Variants in SPRY2 observed in about 807,000 individuals in gnomAD.
The protein encoded by SPRY2 is sprouty RTK signaling antagonist 2, also known as protein sprouty homolog 2.
A neutral mutation model predicts 23.4 loss-of-function variants in SPRY2; 10 were observed. That is an observed-to-expected ratio of 0.43 (90% CI 0.26 to 0.73). The LOEUF is 0.73. Ranked by LOEUF, SPRY2 falls within the 30% of genes least tolerant of loss-of-function variation. SPRY2 has a pLI of 0.22. For missense variants in SPRY2, 344 were observed against 396.9 expected, an observed-to-expected ratio of 0.87 and a Z score of 1.13; for synonymous variants, 170 against 156.9, an observed-to-expected ratio of 1.08 and a Z score of -0.62.
intron 1 of SPRY2, chr13:80,339,417 A>C (rs1235715818): frequency 8.5e-5 from 13 of 152,104 alleles, no homozygotes; most frequent in Non-Finnish European, 2.9e-5. Context: ...GTGAAAGAAA[A>C]ATGGCTTTTT....
intron 1 of SPRY2, 82 bp from the exon 2 acceptor site, chr13:80,337,838 C>G (rs1880344357): frequency 2.5e-6 from 2 of 797,108 alleles, no homozygotes; most frequent in Non-Finnish European, 4.2e-6. Flanking sequence ...TCCTCACTTC[C>G]CACTTTCCCT....
chr13:80,336,108 T>C lies in SPRY2; in HGVS notation c.*650A>G, dbSNP rs1344399703. On this transcript the variant is annotated 3_prime_UTR_variant, in exon 2 of 2. Transcript: ENST00000377104. The stretch of plus-strand genomic sequence containing the variant: ...AGATGCCTCTTAAAATAAATATTCT[T>C]TTTTATAAAATAATAAAACTTCAAA... The C allele has an allele frequency of 6.6e-6, 1 of 152,264 alleles. No individual in the cohort carries two copies. The highest frequency in any genetic ancestry group is 2.4e-5 in the African/African-American group (1 of 41,458). The allele number at this position is 152,264 out of a possible 1,614,324, so 9.4% of individuals were successfully genotyped here. A position where few individuals can be genotyped will look rare whatever the true frequency, so the allele number is the denominator to read the frequency against.
chr13:80,337,485 G>T lies in SPRY2; in HGVS notation c.221C>A (p.Ser74Tyr). ...GAGTCTCTCGTGTTTGTGCTGAGTG[G>T]AGGGGCGAGGAGCAGGCTTGAGCCC... ...RPGLKPAPRP[S>Y]TQHKHERLHG... Residue 74 changes from serine (S) to tyrosine (Y), a missense_variant, in exon 2 of 2, where the codon TCC becomes TAC. Transcript: ENST00000377104. 6.2e-7 allele frequency: 1 copy of T among 1,614,228 alleles called. No individual in the cohort carries two copies. The highest frequency in any genetic ancestry group is 8.5e-7 in the Non-Finnish European group (1 of 1,180,050).
At position 80,336,852 on chromosome 13, in the gene SPRY2, C is replaced by CGGT; in HGVS notation, c.851_853dup (p.Asp284_Arg285insHis). On this transcript the variant is annotated inframe_insertion, in exon 2 of 2. Transcript: ENST00000377104. ...ACAGCGGCAACCAGGCCTGTTAACC[C>CGGT]GGTCATAACACCCCTGGCACAATTT... 6.2e-7 allele frequency: 1 copy of CGGT among 1,614,092 alleles called. No homozygotes were observed. The highest frequency in any genetic ancestry group is 8.5e-7 in the Non-Finnish European group (1 of 1,180,024).
intron 1 of SPRY2, chr13:80,338,596 A>C (rs1346300522): frequency 6.6e-6 from 1 of 152,230 alleles, no homozygotes; most frequent in Admixed American, 6.5e-5. Context: ...GCGTTTTAAA[A>C]ATTCAAATGT....
chr13:80,336,488 CT>C lies in SPRY2; in HGVS notation c.*269del, dbSNP rs1177715180. 2 of 507,662 alleles carry C rather than the reference CT, an allele frequency of 3.9e-6. No homozygotes were observed. The highest frequency in any genetic ancestry group is 6.9e-5 in the Admixed American group (2 of 28,860). 31.4% of individuals were successfully genotyped at this position (507,662 alleles called of 1,614,324 possible). A position where few individuals can be genotyped will look rare whatever the true frequency, so the allele number is the denominator to read the frequency against. On this transcript the variant is annotated 3_prime_UTR_variant, in exon 2 of 2. Coordinates refer to ENST00000377104, the MANE Select transcript of SPRY2 (RefSeq NM_005842.4). ...TGCAAGTACTATTCACAAACAAAAA[CT>C]TTGCCTAGGAGTGTCTGTGTTGCTT... is the stretch of plus-strand genomic sequence containing the variant.
chr13:80,339,964 G>T (rs910353881), intron 1 of SPRY2, among the ~76,000 whole-genome samples: 1 of 152,234 alleles, frequency 6.6e-6, no homozygotes, highest in African/African-American at 2.4e-5. Context: ...TGACCACGAA[G>T]AACGGAAGAG....
intron 1 of SPRY2, chr13:80,338,827 G>C (rs1465905903): frequency 6.6e-6 from 1 of 152,312 alleles, no homozygotes; most frequent in East Asian, 1.9e-4. Flanking sequence ...GCTGGAAACC[G>C]GATCTCCTCA....
intron 1 of SPRY2, among the ~76,000 whole-genome samples, chr13:80,339,831 T>A (rs930356526): frequency 6.6e-6 from 1 of 152,076 alleles, no homozygotes; most frequent in Non-Finnish European, 1.5e-5. Context: ...CAAAAGGAAA[T>A]AAAAAATTGC....
chr13:80,337,673 C>A lies in SPRY2; in HGVS notation c.33G>T (p.Ser11=), dbSNP rs145173125. The change falls in exon 2 of 2, where the codon TCG becomes TCT. Residue 11 remains serine, a synonymous_variant. Coordinates refer to ENST00000377104, the MANE Select transcript of SPRY2 (RefSeq NM_005842.4). ...CACGGGGCGTCTGCAGCAAGGGCTG[C>A]GACCCGTTGCCACTCTGAGCTCTGG... is the stretch of plus-strand genomic sequence containing the variant. MEARAQSGNG[S]QPLLQTPRDG... is the part of the protein sequence containing the mutation. The A allele has an allele frequency of 8.4e-5, 136 of 1,612,636 alleles. 1 individual carries two copies. The African/African-American group carries it at 1.6e-3, about 19-fold the overall frequency.
rs370591522 is a variant in SPRY2, at chr13:80,337,532, C to A, written c.174G>T (p.Gly58=). 1.1e-5 allele frequency: 17 copies of A among 1,614,030 alleles called. No individual in the cohort carries two copies. In the African/African-American group the frequency reaches 1.9e-4, roughly 18 times the overall value. Residue 58 remains glycine (G), a synonymous_variant, in exon 2 of 2, where the codon GGG becomes GGT. Transcript: ENST00000377104. ...GCCCAGGTCTTGGGACGACAGTAGGCCCCTCTGTGTACTCATTGGTGTTTC... is the reference window on the plus strand; with the variant it reads ...GCCCAGGTCTTGGGACGACAGTAGGACCCTCTGTGTACTCATTGGTGTTTC... ...AIRNTNEYTE[G]PTVVPRPGLK...
intron 1 of SPRY2, among the ~76,000 whole-genome samples, chr13:80,340,044 A>G (rs553630108): frequency 2.3e-4 from 35 of 152,296 alleles, no homozygotes; most frequent in African/African-American, 7.5e-4. Flanking sequence ...GCTCCGGGCT[A>G]GACTGTCCAC....
chr13:80,338,624 A>G (rs555589364), intron 1 of SPRY2: 11 of 152,364 alleles, frequency 7.2e-5, no homozygotes, highest in Non-Finnish European at 1.6e-4. Flanking sequence ...CGTATCTAGC[A>G]TTCTGTCAAG....
In SPRY2 at chr13:80,336,577, G is replaced by T. The variant is rs981414944; in HGVS notation, c.*181C>A. On this transcript the variant is annotated 3_prime_UTR_variant, in exon 2 of 2. Transcript: ENST00000377104. ...TCATACTTTGAGCTCCATTAGCTGA[G>T]TTCTAACAAGCATATCAGTTAAAAC... 5 of 707,526 alleles carry T rather than the reference G, an allele frequency of 7.1e-6. No homozygotes were observed. In the African/African-American group the frequency reaches 8.9e-5, roughly 13 times the overall value. 43.8% of individuals were successfully genotyped at this position (707,526 alleles called of 1,614,324 possible). A position where few individuals can be genotyped will look rare whatever the true frequency, so the allele number is the denominator to read the frequency against.
chr13:80,336,673 A>T lies in SPRY2; in HGVS notation c.*85T>A. ...CCACCTTTCTATTAACAGTGCCAAG[A>T]TTATAACTGTTTAGTTGGTTGCATA... On this transcript the variant is annotated 3_prime_UTR_variant, in exon 2 of 2. Coordinates refer to ENST00000377104, the MANE Select transcript of SPRY2 (RefSeq NM_005842.4). 3.0e-6 allele frequency: 4 copies of T among 1,337,154 alleles called. No homozygotes were observed. Among genetic ancestry groups the T allele is most frequent in the Non-Finnish European group, 4.2e-6 (4 of 954,440 alleles). 82.8% of individuals were successfully genotyped at this position (1,337,154 alleles called of 1,614,324 possible).
Position 80,337,350 on chromosome 13 carries a change from C to T in SPRY2, c.356G>A (p.Arg119Gln), listed in dbSNP as rs1315863703. Residue 119 changes from arginine (R) to glutamine (Q), a missense_variant, in exon 2 of 2, where the codon CGG becomes CAG. Transcript: ENST00000377104. ...RSISTVSSGS[R>Q]SSTRTSTSSS... ...GCTGGTACTTGTCCTCGTACTGCTC[C>T]GCGACCCTGAGCTGACCGTGCTTAT... The T allele has an allele frequency of 6.2e-6, 10 of 1,614,144 alleles. No homozygotes were observed. The highest frequency in any genetic ancestry group is 2.2e-5 in the East Asian group (1 of 44,876).
chr13:80,337,110 C>G lies in SPRY2; in HGVS notation c.596G>C (p.Trp199Ser), dbSNP rs745663741. Residue 199 changes from tryptophan to serine, a missense_variant, in exon 2 of 2, where the codon TGG (tryptophan) becomes TCG (serine). Physicochemically the swap from Trp to Ser is radical, Grantham distance 177. Coordinates refer to ENST00000377104, the MANE Select transcript of SPRY2 (RefSeq NM_005842.4). ...GCAAAGGCACTGCTTGTCGCAGATC[C>G]AGTCTGATGGCAGAGGCCTTGGGTA... is the stretch of plus-strand genomic sequence containing the variant. ...CTYPRPLPSDWICDKQCLCSA... is the reference protein window; with the variant it reads ...CTYPRPLPSDSICDKQCLCSA... The G allele has an allele frequency of 6.2e-7, 1 of 1,614,242 alleles. No homozygotes were observed. Among genetic ancestry groups the G allele is most frequent in the Non-Finnish European group, 8.5e-7 (1 of 1,180,042 alleles).
chr13:80,336,819 G>C lies in SPRY2; in HGVS notation c.887C>G (p.Ser296Ter). Residue 296 changes from serine to a stop codon, truncating the protein, a stop_gained, in exon 2 of 2, where the codon TCA (serine) becomes TGA (stop). Transcript: ENST00000377104. LOFTEE classifies it high-confidence loss of function. ...VNRPGCRCKN[S>*]NTVCCKVPTV... is the part of the protein sequence containing the mutation. ...GGGAACTTTGCAGCAAACTGTGTTT[G>C]AGTTTTTACAGCGGCAACCAGGCCT... is the stretch of plus-strand genomic sequence containing the variant. 6.2e-7 allele frequency: 1 copy of C among 1,614,154 alleles called. No individual in the cohort carries two copies. Among genetic ancestry groups the C allele is most frequent in the African/African-American group, 1.3e-5 (1 of 75,040 alleles).
chr13:80,338,501 C>T (rs1880378274), intron 1 of SPRY2, among the ~76,000 whole-genome samples: 1 of 152,184 alleles, frequency 6.6e-6, no homozygotes, highest in Non-Finnish European at 1.5e-5. Context: ...GTCTGATAGC[C>T]TAGAACACCA....
Sources: allele counts gnomAD v4.1 joint callset (sites outside exome capture counted in the v4.1 genomes callset), GRCh38; gene constraint gnomAD v4.1.1; transcripts MANE v1.5; gene names NCBI Gene and HGNC (gene_info 2026-07-23, HGNC 2026-07-21).